The following CADPS variants were observed in gnomAD, a reference collection of about 807,000 sequenced individuals.
The protein encoded by CADPS is calcium dependent secretion activator.
Under a neutral mutation model 167.3 loss-of-function variants are expected in CADPS, and 57 were observed. The ratio of observed to expected loss-of-function variants is 0.34; its 90% CI spans 0.28 to 0.42. The LOEUF (loss-of-function observed/expected upper bound fraction) is 0.42. Among genes scored for constraint, CADPS ranks in the 20% least tolerant of loss-of-function variants. The probability of loss-of-function intolerance (pLI) is 1.00; values close to 1 mark genes in which losing one functional copy is unlikely to be tolerated. For missense variants in CADPS, 1,414 were observed against 1,738.1 expected (o/e 0.81, Z 3.32); for synonymous variants, 676 against 635.3 (o/e 1.06, Z -0.96).
intron 3 of CADPS, among the ~76,000 whole-genome samples, chr3:62,714,064 C>T (rs17066980): frequency 0.083 from 12,590 of 152,054 alleles, 634 homozygotes; most frequent in South Asian, 0.16. Flanking sequence ...GCCATTGAGG[C>T]TCATCCAACT....
At chr3:62,668,084 A>C (rs1021892293) in intron 3 of CADPS, among the ~76,000 whole-genome samples, 1 of 152,200 alleles carries the variant, frequency 6.6e-6, no homozygotes, top group Non-Finnish European at 1.5e-5. Context: ...AGACTCTTCC[A>C]AAGTCATCAG....
intron 13 of CADPS, among the ~76,000 whole-genome samples, chr3:62,529,700 T>C (rs1303517346): frequency 2.6e-5 from 4 of 152,206 alleles, no homozygotes; most frequent in South Asian, 2.1e-4. Flanking sequence ...GCCTGCCACA[T>C]TCTCTAGAAA....
intron 1 of CADPS, among the ~76,000 whole-genome samples, chr3:62,856,082 A>AAC (rs1310581189): frequency 2.6e-5 from 4 of 152,190 alleles, no homozygotes; most frequent in African/African-American, 4.8e-5. Context: ...AACTAGCTGG[A>AAC]ACACACTTGG....
chr3:62,643,234 C>G (rs1205511208), intron 6 of CADPS, among the ~76,000 whole-genome samples: 1 of 152,218 alleles, frequency 6.6e-6, no homozygotes, highest in Non-Finnish European at 1.5e-5. Flanking sequence ...CCTTCCTCTT[C>G]CACGGCAGAT....
chr3:62,466,466 A>T, intron 24 of CADPS, 53 bp from the exon 25 acceptor site: 1 of 1,137,058 alleles, frequency 8.8e-7, no homozygotes. Context: ...ATGGCACTGC[A>T]TCCGTCAGTA....
In CADPS at chr3:62,654,993, C is replaced by T. The variant is rs142478196; in HGVS notation, c.970-3913G>A. The stretch of plus-strand genomic sequence containing the variant: ...AGTCCTGAGATTTTTTTAGGAGGCC[C>T]GGTGGTTACAGATGCCACCATGCTG... On this transcript the variant is annotated intron_variant, in intron 4 of 29. Coordinates refer to ENST00000383710, the MANE Select transcript of CADPS (RefSeq NM_003716.4). 1.7e-3 allele frequency among the ~76,000 whole-genome samples: 252 copies of T among 152,174 alleles called. 2 individuals are homozygous for T. The highest frequency in any genetic ancestry group is 5.7e-3 in the African/African-American group (235 of 41,522).
Position 62,405,985 on chromosome 3 carries a change from C to CA in CADPS, c.3778-2801dup, listed in dbSNP as rs776436918. 6.6e-5 allele frequency among the ~76,000 whole-genome samples: 10 copies of CA among 152,306 alleles called. No individual in the cohort carries two copies. In the South Asian group the frequency reaches 1.5e-3, roughly 22 times the overall value. On this transcript the variant is annotated intron_variant, in intron 28 of 29. Transcript: ENST00000383710. ...ACGTTATCTGTTGTAGAGGAGGAAACAAAGGCCCAGAGAGGTGAAGTGACT... is the reference window on the plus strand; with the variant it reads ...ACGTTATCTGTTGTAGAGGAGGAAACAAAAGGCCCAGAGAGGTGAAGTGACT...
intron 1 of CADPS, among the ~76,000 whole-genome samples, chr3:62,787,280 G>A (rs1028490523): frequency 3.3e-5 from 5 of 152,110 alleles, no homozygotes; most frequent in African/African-American, 7.2e-5. Flanking sequence ...GGGTGACAGA[G>A]CAAGATCCTG....
Position 62,403,091 on chromosome 3 carries a change from C to A in CADPS, c.3872G>T (p.Arg1291Met). ...LHIYQLKTLI[R>M]MVKKTYRDFR... ...AATCTTTTCTTTTACCTTTACCATC[C>A]TAATTAGTGTTTTCAACTGATAAAT... The change falls in exon 29 of 30, where the codon AGG becomes ATG. Residue 1291 changes from arginine to methionine, a missense_variant. This residue lies in a region of CADPS where 185 missense variants were observed against 251.5 expected (regional missense o/e 0.74). Transcript: ENST00000383710. The A allele has an allele frequency of 6.3e-7, 1 of 1,593,834 alleles. No individual in the cohort carries two copies. Among genetic ancestry groups the A allele is most frequent in the Non-Finnish European group, 8.6e-7 (1 of 1,162,504 alleles).
chr3:62,866,508 G>C (rs1037002780), intron 1 of CADPS, among the ~76,000 whole-genome samples: 5 of 151,920 alleles, frequency 3.3e-5, no homozygotes, highest in African/African-American at 1.2e-4. Context: ...TAAACTACAG[G>C]AGGTAAAAGA....
intron 6 of CADPS, among the ~76,000 whole-genome samples, chr3:62,628,461 T>G (rs2064552478): frequency 6.6e-6 from 1 of 152,168 alleles, no homozygotes; most frequent in South Asian, 2.1e-4. Context: ...GTACTGATAG[T>G]GACTTCCCAG....
chr3:62,466,390 G>C lies in CADPS; in HGVS notation c.3501C>G (p.Asp1167Glu). The C allele has an allele frequency of 6.2e-7, 1 of 1,610,382 alleles. No individual in the cohort carries two copies. Among genetic ancestry groups the C allele is most frequent in the Non-Finnish European group, 8.5e-7 (1 of 1,176,986 alleles). The part of the protein sequence containing the change: ...GQEHQYHSKI[D>E]ELIEETVKEM... ...CTTTAACAGTTTCTTCAATTAGTTC[G>C]TCTATTTTTGAATGGTATTGATGCT... Residue 1167 changes from aspartate to glutamate, a missense_variant, in exon 25 of 30, where the codon GAC (aspartate) becomes GAG (glutamate). Asp to Glu is a conservative substitution (Grantham distance 45). This residue lies in a region of CADPS where 185 missense variants were observed against 251.5 expected (regional missense o/e 0.74). Transcript: ENST00000383710.
At chr3:62,491,656 GTA>G (rs1375154006) in intron 20 of CADPS, among the ~76,000 whole-genome samples, 176 bp from the exon 21 acceptor site, 8 of 151,430 alleles carry the variant, frequency 5.3e-5, no homozygotes, top group Non-Finnish European at 2.9e-5. Context: ...AAGGAAAAAA[GTA>G]CATAAAAAGC....
chr3:62,445,291 A>G (rs143016124), intron 27 of CADPS, among the ~76,000 whole-genome samples: 22 of 152,256 alleles, frequency 1.4e-4, no homozygotes, highest in African/African-American at 5.1e-4. Context: ...TTTAGAATTT[A>G]TTTGTTTTTT....
chr3:62,680,535 T>C (rs900947038), intron 3 of CADPS, among the ~76,000 whole-genome samples: 6 of 152,020 alleles, frequency 3.9e-5, no homozygotes, highest in Non-Finnish European at 8.8e-5. Context: ...CTGGCAGCTC[T>C]CCATACGTTT....
At chr3:62,527,322 C>T (rs552027942) in intron 13 of CADPS, among the ~76,000 whole-genome samples, 7 of 152,164 alleles carry the variant, frequency 4.6e-5, no homozygotes, top group African/African-American at 1.7e-4. Context: ...TCAGGAGGCT[C>T]TCCTGTGTAT....
chr3:62,617,353 A>T (rs931885865), intron 6 of CADPS, among the ~76,000 whole-genome samples: 2 of 152,168 alleles, frequency 1.3e-5, no homozygotes, highest in Non-Finnish European at 2.9e-5. Flanking sequence ...ATGGAAAAAA[A>T]ATATATGGAT....
intron 1 of CADPS, among the ~76,000 whole-genome samples, chr3:62,817,202 A>C (rs866736144): frequency 6.8e-6 from 1 of 146,158 alleles, no homozygotes; most frequent in East Asian, 1.9e-4. Flanking sequence ...TTTGATAGAC[A>C]CTGCACCATT....
intron 3 of CADPS, among the ~76,000 whole-genome samples, chr3:62,669,947 A>G (rs1183320441): frequency 6.6e-6 from 1 of 152,170 alleles, no homozygotes; most frequent in Non-Finnish European, 1.5e-5. Flanking sequence ...GTAAGAAACC[A>G]AGCTTTAAAA....
Sources: gnomAD v4.1 joint callset for allele counts (sites outside exome capture counted in the v4.1 genomes callset) on GRCh38, gnomAD v4.1.1 for gene constraint, gnomAD v4.1.1 regional missense constraint, MANE v1.5 for transcripts, NCBI Gene and HGNC (gene_info 2026-07-23, HGNC 2026-07-21) for gene names.